Variants in PCDHA4 observed in about 807,000 individuals in gnomAD.
The protein encoded by PCDHA4 is protocadherin alpha 4, also known as protocadherin alpha-4.
A neutral mutation model predicts 61.4 loss-of-function variants in PCDHA4; 49 were observed. The observed-to-expected ratio is 0.80, with a 90% CI of 0.63 to 1.01. PCDHA4 has a LOEUF of 1.01. Ranked by LOEUF, PCDHA4 falls within the 50% of genes least tolerant of loss-of-function variation. The pLI is 0.00. For missense variants in PCDHA4, 1,254 were observed against 1,235.8 expected (o/e 1.01, Z -0.22); for synonymous variants, 590 against 550.3 (o/e 1.07, Z -1.01).
chr5:140,830,441 G>C (rs1251933211), intron 1 of PCDHA4: 9 of 1,608,106 alleles, frequency 5.6e-6, no homozygotes, highest in Non-Finnish European at 7.7e-6. Context: ...TATTATGATG[G>C]GTAAGGCGGA....
intron 1 of PCDHA4, chr5:140,967,136 C>T (rs782698899): frequency 6.8e-6 from 11 of 1,611,568 alleles, no homozygotes; most frequent in Non-Finnish European, 9.3e-6. Context: ...CTTGGAAGTG[C>T]TGGCGCACAA....
chr5:140,895,021 G>T (rs956122734), intron 1 of PCDHA4, among the ~76,000 whole-genome samples: 3 of 151,838 alleles, frequency 2.0e-5, no homozygotes, highest in Non-Finnish European at 4.4e-5. Context: ...TTTTTCCTTT[G>T]TTTAATTGTC....
At chr5:140,902,914 G>A (rs560076660) in intron 1 of PCDHA4, among the ~76,000 whole-genome samples, 14 of 152,306 alleles carry the variant, frequency 9.2e-5, no homozygotes, top group African/African-American at 2.9e-4. Context: ...TGGCTGAGTA[G>A]TATTGCATGG....
intron 1 of PCDHA4, chr5:140,858,279 G>A: frequency 2.5e-6 from 4 of 1,597,396 alleles, no homozygotes; most frequent in South Asian, 1.1e-5. Flanking sequence ...AGCGCGGTGG[G>A]GAGCTGGTCT....
chr5:141,011,435 T>C lies in PCDHA4; in HGVS notation c.*1498T>C, dbSNP rs781837801. ...TGTGAATGTTAATGCAACTATTACC[T>C]AGAGTGAACTTTAAGCTTTATTGTT... On this transcript the variant is annotated 3_prime_UTR_variant, in exon 4 of 4. Coordinates refer to ENST00000530339, the MANE Select transcript of PCDHA4 (RefSeq NM_018907.4). 3 of 153,818 alleles carry C rather than the reference T, an allele frequency of 2.0e-5. No individual in the cohort carries two copies. The highest frequency in any genetic ancestry group is 4.4e-5 in the Non-Finnish European group (3 of 68,050). The allele number at this position is 153,818 out of a possible 1,614,324, so 9.5% of individuals were successfully genotyped here.
At chr5:140,888,321 A>G (rs2061786627) in intron 1 of PCDHA4, among the ~76,000 whole-genome samples, 1 of 152,176 alleles carries the variant, frequency 6.6e-6, no homozygotes, top group Non-Finnish European at 1.5e-5. Flanking sequence ...ATGCCTGGAT[A>G]CATTTTTGGT....
intron 1 of PCDHA4, chr5:140,821,541 T>C (rs1554128117): frequency 4.1e-6 from 2 of 484,252 alleles, no homozygotes; most frequent in African/African-American, 1.9e-5. Flanking sequence ...ACACTTACCC[T>C]TTCATCCACA....
At chr5:140,913,749 G>T (rs1166280044) in intron 1 of PCDHA4, among the ~76,000 whole-genome samples, 22 of 152,098 alleles carry the variant, frequency 1.4e-4, no homozygotes, top group Middle Eastern at 3.4e-3. Context: ...TCCTTTTGTT[G>T]TATCTCATAG....
chr5:140,815,739 C>G (rs1177563989), intron 1 of PCDHA4: 1 of 152,090 alleles, frequency 6.6e-6, no homozygotes, highest in African/African-American at 2.4e-5. Context: ...TCAAAAGGCC[C>G]CCTCTTAACA....
chr5:140,828,408 T>C, intron 1 of PCDHA4: 3 of 1,614,250 alleles, frequency 1.9e-6, no homozygotes, highest in Non-Finnish European at 2.5e-6. Context: ...AGCATCCACC[T>C]GGAGGTGATC....
chr5:140,834,202 A>G, intron 1 of PCDHA4: 6 of 612,742 alleles, frequency 9.8e-6, no homozygotes, highest in Non-Finnish European at 1.7e-5. Flanking sequence ...CTTTACCGCA[A>G]ATTCTTTCGT....
intron 1 of PCDHA4, chr5:140,822,731 T>C: frequency 1.2e-6 from 2 of 1,613,236 alleles, no homozygotes; most frequent in Non-Finnish European, 1.7e-6. Context: ...GAAATTAATA[T>C]TGATGCCATG....
chr5:140,942,540 G>T (rs1013086382), intron 1 of PCDHA4, among the ~76,000 whole-genome samples: 52 of 152,164 alleles, frequency 3.4e-4, no homozygotes, highest in African/African-American at 1.1e-3. Flanking sequence ...TCAGTATGGT[G>T]GGGGGTAGGG....
intron 1 of PCDHA4, chr5:140,967,709 G>T: frequency 6.2e-7 from 1 of 1,614,140 alleles, no homozygotes; most frequent in Non-Finnish European, 8.5e-7. Context: ...TGCCAGTACC[G>T]GGGAAGTGCG....
intron 1 of PCDHA4, chr5:140,825,492 G>C (rs1768599231): frequency 6.7e-6 from 1 of 150,372 alleles, no homozygotes; most frequent in Admixed American, 6.6e-5. Flanking sequence ...GCCCAAACGA[G>C]TGCAATGGTA....
intron 1 of PCDHA4, among the ~76,000 whole-genome samples, chr5:140,920,594 C>G (rs1347372573): frequency 1.3e-5 from 2 of 152,176 alleles, no homozygotes; most frequent in Admixed American, 1.3e-4. Flanking sequence ...GCCTGTAATC[C>G]CAGCACTTTG....
In PCDHA4 at chr5:140,907,883, G is replaced by A. The variant is rs374762446; in HGVS notation, c.2386-71066G>A. Among the ~76,000 whole-genome samples, 394 of 152,228 alleles carry A rather than the reference G, an allele frequency of 2.6e-3. 2 individuals carry two copies. Among genetic ancestry groups the A allele is most frequent in the African/African-American group, 9.2e-3 (382 of 41,542 alleles). ...CCAGCCGTTGGTGAGCACTCACATG[G>A]GATACAAATATCTTCACAGTTTTTG... On this transcript the variant is annotated intron_variant, in intron 1 of 3. Coordinates refer to ENST00000530339, the MANE Select transcript of PCDHA4 (RefSeq NM_018907.4).
chr5:140,824,042 G>C (rs2150067229), intron 1 of PCDHA4: 1 of 1,614,148 alleles, frequency 6.2e-7, no homozygotes, highest in Non-Finnish European at 8.5e-7. Flanking sequence ...AGGAGACAGA[G>C]GGTGTGCTCT....
At chr5:140,978,301 C>T (rs1554239160) in intron 1 of PCDHA4, among the ~76,000 whole-genome samples, 1 of 152,168 alleles carries the variant, frequency 6.6e-6, no homozygotes, top group Admixed American at 6.5e-5. Flanking sequence ...GGAAAGCACT[C>T]AGGAAGGAGC....
Sources: allele counts gnomAD v4.1 joint callset (sites outside exome capture counted in the v4.1 genomes callset), GRCh38; gene constraint gnomAD v4.1.1; transcripts MANE v1.5; gene names NCBI Gene and HGNC (gene_info 2026-07-23, HGNC 2026-07-21).